The following FERMT1 variants were observed in gnomAD, a reference collection of about 807,000 sequenced individuals.
The protein encoded by FERMT1 is FERM domain containing kindlin 1, also known as fermitin family homolog 1.
A neutral mutation model predicts 85.3 loss-of-function variants in FERMT1; 60 were observed. The observed-to-expected ratio is 0.70, with a 90% CI of 0.57 to 0.87. The LOEUF (loss-of-function observed/expected upper bound fraction) is 0.87, where lower values mean the gene tolerates loss of function less well. FERMT1 is among the 40% of genes least tolerant of loss of function. The pLI is 0.00. For missense variants in FERMT1, 701 were observed against 818.9 expected (o/e 0.86, Z 1.76); for synonymous variants, 275 against 301.1 (o/e 0.91, Z 0.90).
chr20:6,118,132 AC>A (rs1319569604), intron 2 of FERMT1, among the ~76,000 whole-genome samples: 1 of 152,206 alleles, frequency 6.6e-6, no homozygotes, highest in Non-Finnish European at 1.5e-5. Context: ...AATGTAAACA[AC>A]CCAAATGTCC....
chr20:6,095,794 A>G (rs73896723), intron 8 of FERMT1, among the ~76,000 whole-genome samples: 2,508 of 152,340 alleles, frequency 0.016, 75 homozygotes, highest in African/African-American at 0.057. Flanking sequence ...TGCACGAAGT[A>G]TTTGCTCCTG....
intron 2 of FERMT1, among the ~76,000 whole-genome samples, chr20:6,117,503 A>G (rs1216241865): frequency 8.7e-5 from 13 of 149,412 alleles, no homozygotes; most frequent in African/African-American, 3.2e-4. Flanking sequence ...GTGTAATCTC[A>G]GCTCACTGCA....
intron 3 of FERMT1, 31 bp from the exon 4 acceptor site, chr20:6,112,654 A>G (rs1393206623): frequency 7.0e-7 from 1 of 1,431,720 alleles, no homozygotes; most frequent in Non-Finnish European, 9.4e-7. Flanking sequence ...AAAATGAAGA[A>G]AAAGTAAAAA....
In FERMT1 at chr20:6,107,236, T is replaced by C. The variant is rs370053393; in HGVS notation, c.849+296A>G. On this transcript the variant is annotated intron_variant, in intron 6 of 14. Transcript: ENST00000217289. ...AAAAAAAAAAAGAACTCCAGCTCTC[T>C]GAGCCACTCCCATCTTGTTTGACCA... is the stretch of plus-strand genomic sequence containing the variant. Among the ~76,000 whole-genome samples, 28 of 149,406 alleles carry C rather than the reference T, an allele frequency of 1.9e-4. No individual in the cohort carries two copies. The South Asian group carries it at 6.0e-3, about 32-fold the overall frequency.
chr20:6,120,252 T>C (rs1983234311), intron 1 of FERMT1: 2 of 152,354 alleles, frequency 1.3e-5, no homozygotes, highest in African/African-American at 4.8e-5. Flanking sequence ...TCATTAATAA[T>C]TATTGCCATG....
intron 9 of FERMT1, among the ~76,000 whole-genome samples, chr20:6,092,557 A>G (rs1249761966): frequency 6.6e-6 from 1 of 151,866 alleles, no homozygotes. Context: ...AAAAAAAATT[A>G]TATCTACATC....
At chr20:6,087,365 C>T (rs1340012844) in intron 11 of FERMT1, among the ~76,000 whole-genome samples, 2 of 152,182 alleles carry the variant, frequency 1.3e-5, no homozygotes, top group East Asian at 1.9e-4. Flanking sequence ...GGCTGGAGTG[C>T]GGTGGTGCCA....
chr20:6,098,698 TTACAC>T (rs1982574369), intron 6 of FERMT1, among the ~76,000 whole-genome samples: 2 of 151,958 alleles, frequency 1.3e-5, no homozygotes, highest in Non-Finnish European at 2.9e-5. Context: ...AAAAATAACT[TTACAC>T]TATCCAAAAA....
chr20:6,092,555 T>A (rs57487075), intron 9 of FERMT1, among the ~76,000 whole-genome samples: 2,020 of 151,098 alleles, frequency 0.013, 39 homozygotes, highest in African/African-American at 0.046. Flanking sequence ...AAAAAAAAAA[T>A]TATATCTACA....
At chr20:6,116,835 T>G (rs1983116263) in intron 2 of FERMT1, among the ~76,000 whole-genome samples, 1 of 152,162 alleles carries the variant, frequency 6.6e-6, no homozygotes, top group South Asian at 2.1e-4. Context: ...ATGCTAAAGT[T>G]CTGTTCGCTA....
intron 11 of FERMT1, among the ~76,000 whole-genome samples, chr20:6,086,627 G>A (rs944337382): frequency 6.6e-6 from 1 of 152,144 alleles, no homozygotes; most frequent in East Asian, 1.9e-4. Context: ...GGAGGGACCT[G>A]GTGGGAAGTG....
intron 2 of FERMT1, among the ~76,000 whole-genome samples, chr20:6,117,622 C>T (rs1352029345): frequency 3.3e-5 from 5 of 152,134 alleles, no homozygotes; most frequent in Admixed American, 1.3e-4. Flanking sequence ...TTTGTAGAGA[C>T]GTGGTTTCAC....
At chr20:6,110,812 G>A (rs184226992) in intron 4 of FERMT1, among the ~76,000 whole-genome samples, 1 of 152,216 alleles carries the variant, frequency 6.6e-6, no homozygotes, top group Admixed American at 6.6e-5. Context: ...GGATCATGAT[G>A]GTACAGAGAT....
rs1694069134 is a variant in FERMT1 at position 6,089,095 on chromosome 20, A to T, written c.1140-6T>A. ...TTGGTAGTAACTTCTTGGGCCTGCA[A>T]ATTCAAAGATAGTGAATGTTTAAAC... On this transcript the variant is annotated splice_polypyrimidine_tract_variant and splice_region_variant and intron_variant, in intron 9 of 14. Transcript: ENST00000217289. 3.7e-6 allele frequency: 6 copies of T among 1,610,786 alleles called. No individual in the cohort carries two copies. The South Asian group carries it at 6.6e-5, about 18-fold the overall frequency.
chr20:6,118,036 CA>C (rs1983156223), intron 2 of FERMT1, among the ~76,000 whole-genome samples: 1 of 125,418 alleles, frequency 8.0e-6, no homozygotes. Context: ...TATGAATCAG[CA>C]TTTTTTTTCT....
rs137862671 is a variant in FERMT1 at position 6,115,903 on chromosome 20, C to T, written c.293G>A (p.Arg98His). The T allele has an allele frequency of 2.7e-4, 442 of 1,614,140 alleles. 4 individuals carry two copies. The Middle Eastern group carries it at 4.6e-3, about 17-fold the overall frequency. The part of the protein sequence containing the change: ...LLFTPQHKML[R>H]LRLPNLKMVR... Reference sequence around the variant, plus strand: ...CATCTTCAAATTCGGCAGACGAAGGCGCAGCATTTTATGCTGAGGGGTGAA... The same window carrying T: ...CATCTTCAAATTCGGCAGACGAAGGTGCAGCATTTTATGCTGAGGGGTGAA... The change falls in exon 3 of 15, where the codon CGC (arginine) becomes CAC (histidine). Residue 98 changes from arginine (R) to histidine (H), a missense_variant. Arg to His is a conservative substitution (Grantham distance 29). Coordinates refer to ENST00000217289, the MANE Select transcript of FERMT1 (RefSeq NM_017671.5).
intron 3 of FERMT1, among the ~76,000 whole-genome samples, chr20:6,114,787 C>A (rs1406923993): frequency 6.6e-6 from 1 of 152,246 alleles, no homozygotes; most frequent in Non-Finnish European, 1.5e-5. Flanking sequence ...CACTGCCCAA[C>A]CCTGGCATTC....
chr20:6,090,136 A>G (rs6085398), intron 9 of FERMT1, among the ~76,000 whole-genome samples: 107,535 of 151,886 alleles, frequency 0.71, 39,903 homozygotes, highest in African/African-American at 0.93. Context: ...GTGCTGTGGC[A>G]CGATCTCGGC....
At chr20:6,103,349 A>C (rs1982710515) in intron 6 of FERMT1, among the ~76,000 whole-genome samples, 1 of 152,240 alleles carries the variant, frequency 6.6e-6, no homozygotes, top group Admixed American at 6.5e-5. Context: ...GGTGGTTTCC[A>C]GTCTTTTCCT....
Sources: gnomAD v4.1 joint callset for allele counts (sites outside exome capture counted in the v4.1 genomes callset) on GRCh38, gnomAD v4.1.1 for gene constraint, MANE v1.5 for transcripts, NCBI Gene and HGNC (gene_info 2026-07-23, HGNC 2026-07-21) for gene names.